YY1AP1: variants seen among roughly 807,000 people sequenced by gnomAD.
YY1AP1 encodes YY1 associated protein 1.
A neutral mutation model predicts 39.9 loss-of-function variants in YY1AP1; 43 were observed. The observed-to-expected ratio is 1.08, with a 90% CI of 0.84 to 1.39. The LOEUF (loss-of-function observed/expected upper bound fraction) is 1.39, where lower values mean the gene tolerates loss of function less well. Among genes scored for constraint, YY1AP1 ranks in the 40% most tolerant of loss-of-function variants. YY1AP1 has a pLI of 0.00. For synonymous variants in YY1AP1, 292 were observed against 331.3 expected, an observed-to-expected ratio of 0.88 and a Z score of 1.29; for missense variants, 813 against 900.7, an observed-to-expected ratio of 0.90 and a Z score of 1.25.
chr1:155,686,851 T>A (rs1217642721), intron 2 of YY1AP1, among the ~76,000 whole-genome samples: 3 of 151,888 alleles, frequency 2.0e-5, no homozygotes, highest in African/African-American at 4.8e-5. Flanking sequence ...CTCCCCCAAA[T>A]ACAAGCCAAC....
chr1:155,688,883 T>C, upstream of YY1AP1: 1 of 1,611,288 alleles, frequency 6.2e-7, no homozygotes, highest in Non-Finnish European at 8.5e-7. Context: ...GGCTTGCCGT[T>C]TGACTGGAAT....
intron 9 of YY1AP1, among the ~76,000 whole-genome samples, chr1:155,666,343 G>A (rs181195622): frequency 1.3e-5 from 2 of 152,170 alleles, no homozygotes; most frequent in African/African-American, 4.8e-5. Flanking sequence ...GGATGGTCTC[G>A]ATTTCCTGAC....
At chr1:155,675,646 C>T (rs1373659722) in intron 5 of YY1AP1, among the ~76,000 whole-genome samples, 1 of 151,066 alleles carries the variant, frequency 6.6e-6, no homozygotes, top group Non-Finnish European at 1.5e-5. Context: ...TTTGTAGAGA[C>T]AGAGTCTCAC....
chr1:155,662,959 T>G (rs1648393113), intron 9 of YY1AP1, among the ~76,000 whole-genome samples: 1 of 151,948 alleles, frequency 6.6e-6, no homozygotes, highest in Non-Finnish European at 1.5e-5. Context: ...GAGCCAAGAC[T>G]GCACCACTGC....
intron 9 of YY1AP1, among the ~76,000 whole-genome samples, chr1:155,667,953 AACACACACACACAC>A (rs575258946): frequency 1.4e-5 from 2 of 144,852 alleles, no homozygotes; most frequent in Admixed American, 6.9e-5. Flanking sequence ...GACACACACA[AACACACACACACAC>A]ACACACACAC....
chr1:155,659,738 GT>G lies in YY1AP1; in HGVS notation c.2171del (p.Asn724ThrfsTer8), dbSNP rs766452850. 4.0e-5 allele frequency: 65 copies of G among 1,614,086 alleles called. No homozygotes were observed. In the South Asian group the frequency reaches 4.4e-4, roughly 11 times the overall value. On this transcript the variant is annotated frameshift_variant, in exon 11 of 11. Coordinates refer to ENST00000355499, the MANE Select transcript of YY1AP1 (RefSeq NM_139119.3). LOFTEE classifies it low-confidence loss of function (END_TRUNC). ...CCTCTAAATCCCCAGGGGAAGAGTTGTTTAGAGACTCCTGGATGCCCTGAGG... is the reference window on the plus strand; with the variant it reads ...CCTCTAAATCCCCAGGGGAAGAGTTGTTAGAGACTCCTGGATGCCCTGAGG... ...PLPQGIQESL[N>X]NSSPGDLEEV... is the part of the protein sequence containing the mutation.
chr1:155,676,009 G>A (rs969264197), intron 5 of YY1AP1, among the ~76,000 whole-genome samples: 1 of 152,144 alleles, frequency 6.6e-6, no homozygotes, highest in Non-Finnish European at 1.5e-5. Context: ...GGATCACGAG[G>A]TTAGGAGATC....
At position 155,688,750 on chromosome 1, in the gene YY1AP1, GC is replaced by G; in HGVS notation, c.-244del. On this transcript the variant is annotated 5_prime_UTR_variant, in exon 1 of 11. Transcript: ENST00000355499. ...ACGGCCACCAACCGCCGCCAAAGCA[GC>G]CGCCGCCAGCACCCCCACCCTACAC... 6.6e-7 allele frequency: 1 copy of G among 1,518,016 alleles called. No homozygotes were observed. The highest frequency in any genetic ancestry group is 8.8e-7 in the Non-Finnish European group (1 of 1,138,812). The allele number at this position is 1,518,016 out of a possible 1,614,324, so 94.0% of individuals were successfully genotyped here. A position where few individuals can be genotyped will look rare whatever the true frequency, so the allele number is the denominator to read the frequency against.
rs1466553299 is a variant in YY1AP1, at chr1:155,688,077, G to C, written c.-27C>G. The C allele has an allele frequency of 6.3e-7, 1 of 1,584,420 alleles. No individual in the cohort carries two copies. The highest frequency in any genetic ancestry group is 8.6e-7 in the Non-Finnish European group (1 of 1,161,412). ...CCCAAATCGTTCTACTCACCGTGTCGGAGGCCGAGAGCGATGAGAGTACAG... is the reference window on the plus strand; with the variant it reads ...CCCAAATCGTTCTACTCACCGTGTCCGAGGCCGAGAGCGATGAGAGTACAG... On this transcript the variant is annotated 5_prime_UTR_variant, in exon 2 of 11. Coordinates refer to ENST00000355499, the MANE Select transcript of YY1AP1 (RefSeq NM_139119.3).
chr1:155,688,353 G>A lies in YY1AP1; in HGVS notation c.-151-152C>T, dbSNP rs1487316944. ...CAGCGGCGGCAGCAGAGTGGCCGCG[G>A]CAGCTCCTCCAGAGGGAGGGAGCTA... is the stretch of plus-strand genomic sequence containing the variant. On this transcript the variant is annotated intron_variant, in intron 1 of 10. Transcript: ENST00000355499. 3.2e-6 allele frequency: 5 copies of A among 1,548,180 alleles called. No individual in the cohort carries two copies. Among genetic ancestry groups the A allele is most frequent in the Admixed American group, 2.0e-5 (1 of 50,860 alleles).
chr1:155,678,905 T>C (rs1651116777), intron 4 of YY1AP1, among the ~76,000 whole-genome samples: 1 of 152,180 alleles, frequency 6.6e-6, no homozygotes, highest in African/African-American at 2.4e-5. Context: ...AATTAAAGCC[T>C]CTACTTTCTG....
chr1:155,660,807 T>A lies in YY1AP1; in HGVS notation c.1103A>T (p.Glu368Val), dbSNP rs1647972441. The change falls in exon 11 of 11, where the codon GAA (glutamate) becomes GTA (valine). Residue 368 changes from glutamate (E) to valine (V), a missense_variant. Physicochemically the swap from Glu to Val is moderately radical, Grantham distance 121 (BLOSUM62 -2). Coordinates refer to ENST00000355499, the MANE Select transcript of YY1AP1 (RefSeq NM_139119.3). Reference sequence around the variant, plus strand: ...ACTCCCCAACTCTGAGTTGTCTTTTTCTAGGCCTTGATCTGAGTTGATCTC... The same window carrying A: ...ACTCCCCAACTCTGAGTTGTCTTTTACTAGGCCTTGATCTGAGTTGATCTC... The part of the protein sequence containing the change: ...TTEINSDQGL[E>V]KDNSELGSET... 1 of 1,614,230 alleles carries A rather than the reference T, an allele frequency of 6.2e-7. No homozygotes were observed. Among genetic ancestry groups the A allele is most frequent in the Non-Finnish European group, 8.5e-7 (1 of 1,180,036 alleles).
rs905194785 is a variant in YY1AP1 at position 155,666,130 on chromosome 1, A to G, written c.879+2497T>C. Reference sequence around the variant, plus strand: ...AGCATTTATACAGTCCTTAAAATCTATTTTTTTTTTTTGAGACGGAGTCTT... The same window carrying G: ...AGCATTTATACAGTCCTTAAAATCTGTTTTTTTTTTTTGAGACGGAGTCTT... On this transcript the variant is annotated intron_variant, in intron 9 of 10. Transcript: ENST00000355499. 3.4e-5 allele frequency among the ~76,000 whole-genome samples: 5 copies of G among 147,956 alleles called. No individual in the cohort carries two copies. The East Asian group carries it at 8.0e-4, about 24-fold the overall frequency.
chr1:155,686,180 C>T (rs1174528656), intron 2 of YY1AP1, among the ~76,000 whole-genome samples: 1 of 151,588 alleles, frequency 6.6e-6, no homozygotes, highest in Non-Finnish European at 1.5e-5. Context: ...GGACTACAGG[C>T]GCCCGCCACC....
Position 155,670,356 on chromosome 1 carries a change from G to A in YY1AP1, c.692C>T (p.Pro231Leu). The A allele has an allele frequency of 6.2e-7, 1 of 1,612,732 alleles. No homozygotes were observed. The highest frequency in any genetic ancestry group is 8.5e-7 in the Non-Finnish European group (1 of 1,179,946). ...LPVCSLKAKNPQDKILFTKAE... is the reference protein window; with the variant it reads ...LPVCSLKAKNLQDKILFTKAE... The stretch of plus-strand genomic sequence containing the variant: ...CTTGGTGAAGAGGATCTTATCCTGG[G>A]GATTCTTTGCCTTCAGGGAACACAC... Residue 231 changes from proline to leucine, a missense_variant, in exon 8 of 11, where the codon CCC becomes CTC. By Grantham distance (98) the Pro-to-Leu change is moderately conservative. Transcript: ENST00000355499.
At position 155,679,300 on chromosome 1, in the gene YY1AP1, GT is replaced by G. The variant is rs775594081; in HGVS notation, c.125+108del. 1.3e-5 allele frequency: 20 copies of G among 1,558,238 alleles called. No homozygotes were observed. In the African/African-American group the frequency reaches 2.7e-4, roughly 21 times the overall value. The stretch of plus-strand genomic sequence containing the variant: ...GACAGGACTCTGCATCCTTACATCA[GT>G]AACAGAAGCTGGCTGGGGATGAAAA... On this transcript the variant is annotated intron_variant, in intron 4 of 10. Coordinates refer to ENST00000355499, the MANE Select transcript of YY1AP1 (RefSeq NM_139119.3).
Position 155,661,417 on chromosome 1 carries a change from T to C in YY1AP1, c.886A>G (p.Lys296Glu). 6.2e-7 allele frequency: 1 copy of C among 1,613,800 alleles called. No individual in the cohort carries two copies. The highest frequency in any genetic ancestry group is 8.5e-7 in the Non-Finnish European group (1 of 1,179,850). The part of the protein sequence containing the change: ...RAPDNIIKFY[K>E]KTKQLPVLGK... ...AGGACTGGCAGCTGTTTGGTCTTCT[T>C]ATAAAACTTAACATGAAAAAAATGC... The change falls in exon 10 of 11, where the codon AAG (lysine) becomes GAG (glutamate). Residue 296 changes from lysine (K) to glutamate (E), a missense_variant. By Grantham distance (56) the Lys-to-Glu change is moderately conservative. Coordinates refer to ENST00000355499, the MANE Select transcript of YY1AP1 (RefSeq NM_139119.3).
At chr1:155,678,348 T>C (rs1013951529) in intron 4 of YY1AP1, among the ~76,000 whole-genome samples, 3 of 152,238 alleles carry the variant, frequency 2.0e-5, no homozygotes, top group African/African-American at 7.2e-5. Flanking sequence ...CTATATTCCA[T>C]TGAATACCAG....
rs950849363 is a variant in YY1AP1 at position 155,659,472 on chromosome 1, G to A, written c.*185C>T. The A allele has an allele frequency of 7.8e-6, 5 of 639,920 alleles. No homozygotes were observed. Among genetic ancestry groups the A allele is most frequent in the African/African-American group, 3.6e-5 (2 of 54,882 alleles). The allele number at this position is 639,920 out of a possible 1,614,324, so 39.6% of individuals were successfully genotyped here. ...GAAACAATGAAGCAATAAAAGCACAGATTTATTGAAGCAAAAGTATATTCC... is the reference window on the plus strand; with the variant it reads ...GAAACAATGAAGCAATAAAAGCACAAATTTATTGAAGCAAAAGTATATTCC... On this transcript the variant is annotated 3_prime_UTR_variant, in exon 11 of 11. Transcript: ENST00000355499.
Sources: allele counts gnomAD v4.1 joint callset (sites outside exome capture counted in the v4.1 genomes callset), GRCh38; gene constraint gnomAD v4.1.1; transcripts MANE v1.5; gene names NCBI Gene and HGNC (gene_info 2026-07-23, HGNC 2026-07-21).